Variants in ITK observed in about 807,000 individuals in gnomAD.
The protein encoded by ITK is IL2 inducible T cell kinase.
A neutral mutation model predicts 87.6 loss-of-function variants in ITK; 45 were observed. The observed-to-expected ratio is 0.51, with a 90% CI of 0.40 to 0.66. The LOEUF (loss-of-function observed/expected upper bound fraction) is 0.66. Among genes scored for constraint, ITK ranks in the 30% least tolerant of loss-of-function variants. The pLI is 0.00. For synonymous variants in ITK, 303 were observed against 273.6 expected, an observed-to-expected ratio of 1.11 and a Z score of -1.06; for missense variants, 605 against 766.3, an observed-to-expected ratio of 0.79 and a Z score of 2.48.
intron 9 of ITK, 128 bp downstream of exon 9, chr5:157,238,319 CT>C: frequency 1.3e-6 from 1 of 756,122 alleles, no homozygotes; most frequent in Non-Finnish European, 2.4e-6. Context: ...TGTTTTCCCT[CT>C]TTACTCCGAG....
intron 2 of ITK, 138 bp downstream of exon 2, chr5:157,209,131 C>T: frequency 3.6e-5 from 25 of 703,550 alleles, no homozygotes; most frequent in Non-Finnish European, 6.0e-5. Flanking sequence ...GTCAGGAGTT[C>T]AAGACCAGCC....
intron 6 of ITK, among the ~76,000 whole-genome samples, chr5:157,223,891 A>G (rs1754479046): frequency 6.6e-6 from 1 of 152,258 alleles, no homozygotes; most frequent in Non-Finnish European, 1.5e-5. Flanking sequence ...CTTGCAACAT[A>G]TAGATCATTT....
rs564234935 is a variant in ITK, at chr5:157,184,744, G to A, written c.138+3629G>A. Among the ~76,000 whole-genome samples the A allele has an allele frequency of 9.8e-5, 15 of 152,310 alleles. No individual in the cohort carries two copies. In the South Asian group the frequency reaches 2.3e-3, roughly 23 times the overall value. ...ATTTCATGAGAAAAGTATGTTATAA[G>A]CTTTTTACCAATTGCTACATGGTAA... On this transcript the variant is annotated intron_variant, in intron 1 of 16. Coordinates refer to ENST00000422843, the MANE Select transcript of ITK (RefSeq NM_005546.4).
chr5:157,210,624 G>A (rs570884416), intron 2 of ITK, among the ~76,000 whole-genome samples: 95 of 148,714 alleles, frequency 6.4e-4, no homozygotes, highest in African/African-American at 8.5e-4. Flanking sequence ...TACATGTGCC[G>A]TGCTGGTGCG....
chr5:157,211,633 A>G, intron 3 of ITK: 1 of 480,772 alleles, frequency 2.1e-6, no homozygotes, highest in South Asian at 2.2e-5. Context: ...TTTAATAAGT[A>G]CCTACATAAG....
intron 7 of ITK, among the ~76,000 whole-genome samples, chr5:157,229,598 T>C (rs1171998948): frequency 1.3e-5 from 2 of 152,112 alleles, no homozygotes; most frequent in African/African-American, 4.8e-5. Context: ...CACAACAGGC[T>C]GAGAAATTGG....
At chr5:157,238,945 G>A (rs1046798827) in intron 9 of ITK, among the ~76,000 whole-genome samples, 3 of 152,132 alleles carry the variant, frequency 2.0e-5, no homozygotes, top group Admixed American at 1.3e-4. Context: ...AGGTGTCTTC[G>A]GAAAATTTTT....
Position 157,244,195 on chromosome 5 carries a change from C to T in ITK, c.1233-67C>T, listed in dbSNP as rs1052554896. 1.4e-5 allele frequency: 17 copies of T among 1,231,084 alleles called. No individual in the cohort carries two copies. The African/African-American group carries it at 2.1e-4, about 15-fold the overall frequency. The allele number at this position is 1,231,084 out of a possible 1,614,324, so 76.3% of individuals were successfully genotyped here. ...AAATGACCATTGGCTATTTTGGTAC[C>T]ATAATATTTTCGGCATTTTTGGGAG... On this transcript the variant is annotated intron_variant, in intron 12 of 16. Coordinates refer to ENST00000422843, the MANE Select transcript of ITK (RefSeq NM_005546.4).
At chr5:157,201,189 A>AT (rs1398899478) in intron 1 of ITK, among the ~76,000 whole-genome samples, 1 of 152,126 alleles carries the variant, frequency 6.6e-6, no homozygotes, top group Non-Finnish European at 1.5e-5. Flanking sequence ...TAGAAAAAAA[A>AT]TTTTGAGTCT....
chr5:157,187,442 AG>A (rs149146760), intron 1 of ITK, among the ~76,000 whole-genome samples: 13 of 152,222 alleles, frequency 8.5e-5, no homozygotes, highest in African/African-American at 3.1e-4. Flanking sequence ...TCAGCTGGAG[AG>A]GTTAGAGACA....
intron 10 of ITK, 86 bp from the exon 11 acceptor site, chr5:157,241,560 G>A (rs73814052): frequency 3.2e-6 from 3 of 930,738 alleles, no homozygotes; most frequent in Admixed American, 1.7e-5. Flanking sequence ...GTCTGATGAT[G>A]ATTATTATTT....
intron 9 of ITK, among the ~76,000 whole-genome samples, chr5:157,239,062 G>C (rs988179728): frequency 6.6e-6 from 1 of 152,172 alleles, no homozygotes; most frequent in Non-Finnish European, 1.5e-5. Flanking sequence ...CAGAGGGGCC[G>C]TGCCTCTACC....
intron 1 of ITK, among the ~76,000 whole-genome samples, chr5:157,200,005 C>T (rs1020732988): frequency 1.3e-5 from 2 of 151,666 alleles, no homozygotes; most frequent in Non-Finnish European, 2.9e-5. Context: ...GCAGCTCCTT[C>T]TCTGTGAGAT....
At chr5:157,247,483 G>T (rs1189709763) in intron 15 of ITK, among the ~76,000 whole-genome samples, 2 of 152,312 alleles carry the variant, frequency 1.3e-5, no homozygotes, top group Non-Finnish European at 2.9e-5. Flanking sequence ...GAGACATTTG[G>T]AGCAATGGCC....
intron 7 of ITK, among the ~76,000 whole-genome samples, chr5:157,231,716 T>G (rs972612254): frequency 2.6e-5 from 4 of 152,100 alleles, no homozygotes; most frequent in Non-Finnish European, 5.9e-5. Flanking sequence ...AAAAAAAAAC[T>G]TCATCCCTAA....
At chr5:157,233,963 ATTTTTTTTTTTTTTTT>A (rs869230073) in intron 8 of ITK, among the ~76,000 whole-genome samples, 2 of 22,294 alleles carry the variant, frequency 9.0e-5, no homozygotes, top group Admixed American at 1.0e-3. Context: ...ATATATATAT[ATTTTTTTTTTTTTTTT>A]TTTTTTTTTT....
At chr5:157,189,904 AC>A (rs1206163366) in intron 1 of ITK, among the ~76,000 whole-genome samples, 1 of 152,198 alleles carries the variant, frequency 6.6e-6, no homozygotes, top group Non-Finnish European at 1.5e-5. Flanking sequence ...TATGAGGCCT[AC>A]TGGAAAAAGT....
At chr5:157,242,206 G>A (rs1754922299) in intron 11 of ITK, among the ~76,000 whole-genome samples, 1 of 152,146 alleles carries the variant, frequency 6.6e-6, no homozygotes, top group Non-Finnish European at 1.5e-5. Flanking sequence ...CTCCAGTGCC[G>A]CAGCCCCTAC....
chr5:157,230,617 A>G (rs1409982672), intron 7 of ITK, among the ~76,000 whole-genome samples: 1 of 152,226 alleles, frequency 6.6e-6, no homozygotes, highest in Non-Finnish European at 1.5e-5. Context: ...CATATAGGGT[A>G]TATGCTTAAA....
Sources: gnomAD v4.1 joint callset for allele counts (sites outside exome capture counted in the v4.1 genomes callset) on GRCh38, gnomAD v4.1.1 for gene constraint, MANE v1.5 for transcripts, NCBI Gene and HGNC (gene_info 2026-07-23, HGNC 2026-07-21) for gene names.